The following VRK2 variants were observed in gnomAD, a reference collection of about 807,000 sequenced individuals.
VRK2 encodes the protein serine/threonine-protein kinase VRK2.
VRK2 carries 60 observed loss-of-function variants against 57.6 expected under a neutral mutation model. The ratio of observed to expected loss-of-function variants is 1.04; its 90% CI spans 0.85 to 1.29. The LOEUF (loss-of-function observed/expected upper bound fraction) is 1.29. VRK2 is among the 50% of genes most tolerant of loss of function. The pLI is 0.00. For synonymous variants in VRK2, 231 were observed against 199.2 expected (o/e 1.16, Z -1.35); for missense variants, 705 against 588.1 (o/e 1.20, Z -2.06).
chr2:58,157,876 G>C (rs1315993106), intron 12 of VRK2, among the ~76,000 whole-genome samples: 1 of 152,114 alleles, frequency 6.6e-6, no homozygotes, highest in East Asian at 1.9e-4. Context: ...AAATTGATGT[G>C]GCTCTGTTCC....
chr2:58,081,894 G>A (rs1670933789), intron 2 of VRK2, among the ~76,000 whole-genome samples: 1 of 143,428 alleles, frequency 7.0e-6, no homozygotes, highest in South Asian at 2.1e-4. Flanking sequence ...GTGTGTGTGT[G>A]TGTGTTTCGT....
chr2:58,084,063 C>T (rs1236698858), intron 2 of VRK2, 26 bp from the exon 3 acceptor site: 1 of 1,601,194 alleles, frequency 6.2e-7, no homozygotes, highest in Admixed American at 1.7e-5. Context: ...CTATTTTTCT[C>T]CATTGTGTGT....
chr2:58,058,481 CAT>C (rs1374046857), intron 2 of VRK2: 1 of 459,518 alleles, frequency 2.2e-6, no homozygotes, highest in Non-Finnish European at 4.5e-6. Flanking sequence ...ACATAGCTTC[CAT>C]TTCAGGTATT....
At chr2:58,091,535 G>C (rs1300408817) in intron 7 of VRK2, among the ~76,000 whole-genome samples, 1 of 151,770 alleles carries the variant, frequency 6.6e-6, no homozygotes, top group Non-Finnish European at 1.5e-5. Flanking sequence ...CGTTTAAAGA[G>C]TTAAATGATT....
At chr2:57,972,142 G>A (rs1319583301) in intron 1 of VRK2, among the ~76,000 whole-genome samples, 1 of 151,650 alleles carries the variant, frequency 6.6e-6, no homozygotes, top group Non-Finnish European at 1.5e-5. Context: ...CTGGGAAATG[G>A]TACTTAGAGG....
In VRK2 at chr2:58,141,957, G is replaced by A. The variant is rs115588657; in HGVS notation, c.1023+2125G>A. 5.7e-3 allele frequency among the ~76,000 whole-genome samples: 867 copies of A among 151,874 alleles called. 11 individuals are homozygous for A. Among genetic ancestry groups the A allele is most frequent in the African/African-American group, 0.02 (811 of 41,492 alleles). ...AATGCTCTTATTAGTAACTAAAATC[G>A]TTTCTTGTTACTTTATAAATGGGTT... is the stretch of plus-strand genomic sequence containing the variant. On this transcript the variant is annotated intron_variant, in intron 11 of 12. Transcript: ENST00000340157.
chr2:57,972,573 T>C (rs1572922099), intron 1 of VRK2, among the ~76,000 whole-genome samples: 1 of 151,890 alleles, frequency 6.6e-6, no homozygotes, highest in East Asian at 1.9e-4. Flanking sequence ...TTCTGGGAGA[T>C]TACGCCATGA....
chr2:57,908,814 A>G (rs1669903862), intron 1 of VRK2, among the ~76,000 whole-genome samples: 2 of 152,170 alleles, frequency 1.3e-5, no homozygotes, highest in Admixed American at 6.6e-5. Flanking sequence ...GAGCAGCTAA[A>G]ACGAGTAGAC....
chr2:58,047,440 G>A (rs1322947866), intron 1 of VRK2: 2 of 985,382 alleles, frequency 2.0e-6, no homozygotes, highest in Non-Finnish European at 2.4e-6. Flanking sequence ...CGTTTCCCTT[G>A]GCAGATGAAC....
intron 7 of VRK2, among the ~76,000 whole-genome samples, chr2:58,113,958 C>T (rs1003855206): frequency 9.9e-5 from 15 of 151,800 alleles, no homozygotes; most frequent in South Asian, 2.1e-4. Context: ...AGAGAATGGG[C>T]GATGTTTCTC....
chr2:57,935,644 C>A (rs1291736749), intron 1 of VRK2, among the ~76,000 whole-genome samples: 1 of 151,904 alleles, frequency 6.6e-6, no homozygotes, highest in Non-Finnish European at 1.5e-5. Context: ...GGGTCTGTGA[C>A]CTCTCTTCTC....
At chr2:58,099,098 T>A (rs1673576073) in intron 7 of VRK2, among the ~76,000 whole-genome samples, 1 of 152,014 alleles carries the variant, frequency 6.6e-6, no homozygotes, top group Non-Finnish European at 1.5e-5. Flanking sequence ...TCCTTACTTA[T>A]AATGGAATTA....
rs917541846 is a variant in VRK2 at position 58,093,298 on chromosome 2, T to C, written c.543+3575T>C. Reference sequence around the variant, plus strand: ...CCCACCAACAGTGTAAAAGTGTTCCTATTTCTCCACATCCTCTCCAGCGCC... The same window carrying C: ...CCCACCAACAGTGTAAAAGTGTTCCCATTTCTCCACATCCTCTCCAGCGCC... On this transcript the variant is annotated intron_variant, in intron 7 of 12. Transcript: ENST00000340157. Among the ~76,000 whole-genome samples, 10 of 152,294 alleles carry C rather than the reference T, an allele frequency of 6.6e-5. No individual in the cohort carries two copies. In the East Asian group the frequency reaches 1.7e-3, roughly 26 times the overall value.
At chr2:58,144,274 G>A (rs187852479) in intron 11 of VRK2, among the ~76,000 whole-genome samples, 1 of 152,004 alleles carries the variant, frequency 6.6e-6, no homozygotes, top group African/African-American at 2.4e-5. Context: ...TAGTCAAAAG[G>A]TACAAACTTT....
chr2:58,128,286 G>C (rs931810492), intron 8 of VRK2, among the ~76,000 whole-genome samples: 2 of 152,140 alleles, frequency 1.3e-5, no homozygotes, highest in African/African-American at 4.8e-5. Context: ...AGTCCTGTGT[G>C]TAATGTTGTT....
chr2:58,129,897 A>G (rs1450433199), intron 8 of VRK2, among the ~76,000 whole-genome samples: 1 of 152,166 alleles, frequency 6.6e-6, no homozygotes, highest in Non-Finnish European at 1.5e-5. Context: ...CAAAACATTC[A>G]CCTAACGGTA....
chr2:58,136,865 ATATATCATATAT>A (rs1251191768), intron 10 of VRK2, among the ~76,000 whole-genome samples: 3 of 89,022 alleles, frequency 3.4e-5, no homozygotes, highest in Non-Finnish European at 5.5e-5. Context: ...ATATGTGTAT[ATATATCATATAT>A]TATATCATAT....
At chr2:58,066,416 ATTAAT>A (rs1351761848) in intron 2 of VRK2, among the ~76,000 whole-genome samples, 4 of 152,158 alleles carry the variant, frequency 2.6e-5, no homozygotes, top group Non-Finnish European at 5.9e-5. Context: ...CATTCCTCAA[ATTAAT>A]TTGATTATGG....
chr2:57,947,271 T>C (rs999515683), intron 1 of VRK2, among the ~76,000 whole-genome samples: 1 of 152,202 alleles, frequency 6.6e-6, no homozygotes, highest in African/African-American at 2.4e-5. Flanking sequence ...AATGCAACTC[T>C]ATAGAATGAT....
Sources: allele counts gnomAD v4.1 joint callset (sites outside exome capture counted in the v4.1 genomes callset), GRCh38; gene constraint gnomAD v4.1.1; transcripts MANE v1.5; gene names NCBI Gene and HGNC (gene_info 2026-07-23, HGNC 2026-07-21).